EFCAB6: variants seen among roughly 807,000 people sequenced by gnomAD.
EFCAB6 encodes the protein EF-hand calcium binding domain 6.
In EFCAB6, 156 loss-of-function variants were observed where a neutral mutation model predicts 169.8. That is an observed-to-expected ratio of 0.92 (90% confidence interval 0.81 to 1.05). The LOEUF is 1.05. EFCAB6 is among the 50% of genes least tolerant of loss of function. The pLI is 0.00. For missense variants in EFCAB6, 1,800 were observed against 1,829.1 expected (o/e 0.98, Z 0.29); for synonymous variants, 698 against 676.4 (o/e 1.03, Z -0.50).
At chr22:43,686,756 G>A (rs1233119549) in intron 11 of EFCAB6, among the ~76,000 whole-genome samples, 4 of 152,036 alleles carry the variant, frequency 2.6e-5, no homozygotes, top group African/African-American at 9.7e-5. Flanking sequence ...TTACAGTAGA[G>A]CACAGCACTT....
At chr22:43,675,233 A>T (rs1411846525) in intron 13 of EFCAB6, among the ~76,000 whole-genome samples, 1 of 144,136 alleles carries the variant, frequency 6.9e-6, no homozygotes, top group Non-Finnish European at 1.5e-5. Flanking sequence ...ATGTATATAT[A>T]ACTATGTTAT....
chr22:43,678,195 T>C, intron 12 of EFCAB6, 32 bp from the exon 13 acceptor site: 7 of 1,397,918 alleles, frequency 5.0e-6, no homozygotes, highest in Non-Finnish European at 6.6e-6. Context: ...AGGGAATTTT[T>C]GAAAAAAAAA....
intron 23 of EFCAB6, among the ~76,000 whole-genome samples, chr22:43,590,547 G>C (rs2051416766): frequency 6.6e-6 from 1 of 152,116 alleles, no homozygotes; most frequent in Non-Finnish European, 1.5e-5. Context: ...TTTACATATA[G>C]ACATGTGAAA....
At chr22:43,562,461 A>G (rs2049097490) in intron 26 of EFCAB6, among the ~76,000 whole-genome samples, 6 of 151,490 alleles carry the variant, frequency 4.0e-5, no homozygotes, top group African/African-American at 1.4e-4. Flanking sequence ...CTGCCATGAC[A>G]TAGGAATCAC....
chr22:43,649,929 G>A (rs1451925521), intron 17 of EFCAB6, among the ~76,000 whole-genome samples: 1 of 152,164 alleles, frequency 6.6e-6, no homozygotes, highest in Non-Finnish European at 1.5e-5. Flanking sequence ...TGAAACTGGA[G>A]ACAACAAAAG....
chr22:43,740,963 C>T (rs2060348116), intron 6 of EFCAB6, among the ~76,000 whole-genome samples: 1 of 152,182 alleles, frequency 6.6e-6, no homozygotes, highest in African/African-American at 2.4e-5. Flanking sequence ...AACCTGGCAG[C>T]GAGCTCACAC....
At chr22:43,626,408 G>A (rs772663780) in intron 20 of EFCAB6, 39 bp downstream of exon 20, 13 of 1,588,064 alleles carry the variant, frequency 8.2e-6, no homozygotes, top group Admixed American at 3.4e-5. Flanking sequence ...GGCACGGGCC[G>A]GCATATATTA....
chr22:43,611,015 T>C (rs539616434), intron 21 of EFCAB6, among the ~76,000 whole-genome samples: 3 of 152,352 alleles, frequency 2.0e-5, no homozygotes, highest in South Asian at 2.1e-4. Flanking sequence ...CAGGAACTTA[T>C]GTCAGAAAGA....
intron 17 of EFCAB6, among the ~76,000 whole-genome samples, chr22:43,652,535 T>TA (rs57911818): frequency 6.6e-5 from 10 of 151,978 alleles, no homozygotes; most frequent in African/African-American, 1.9e-4. Context: ...CAGGAGTAGT[T>TA]AAAAAAAACA....
At chr22:43,656,208 T>C (rs769338451) in intron 17 of EFCAB6, among the ~76,000 whole-genome samples, 1 of 151,996 alleles carries the variant, frequency 6.6e-6, no homozygotes, top group Non-Finnish European at 1.5e-5. Context: ...CTGACCAACA[T>C]GGTGAAACCC....
chr22:43,597,463 A>G (rs1026716347), intron 23 of EFCAB6, among the ~76,000 whole-genome samples: 3 of 152,238 alleles, frequency 2.0e-5, no homozygotes, highest in African/African-American at 7.2e-5. Flanking sequence ...TCAAAAGAGG[A>G]CATATAAAGT....
intron 23 of EFCAB6, among the ~76,000 whole-genome samples, chr22:43,599,071 T>C (rs762996976): frequency 6.6e-6 from 1 of 152,220 alleles, no homozygotes; most frequent in Non-Finnish European, 1.5e-5. Flanking sequence ...GTTCCACTCA[T>C]GGTACACATA....
intron 9 of EFCAB6, among the ~76,000 whole-genome samples, chr22:43,716,520 T>A (rs3810620): frequency 0.097 from 14,756 of 152,244 alleles, 813 homozygotes; most frequent in South Asian, 0.18. Flanking sequence ...AATCTTCCAA[T>A]CCAAGAATCA....
chr22:43,685,611 C>G (rs2058163750), intron 11 of EFCAB6, among the ~76,000 whole-genome samples: 1 of 152,152 alleles, frequency 6.6e-6, no homozygotes, highest in South Asian at 2.1e-4. Context: ...TTCTCAAGAT[C>G]TTGGCTCTTT....
At chr22:43,630,302 CCT>C (rs2054842155) in intron 19 of EFCAB6, among the ~76,000 whole-genome samples, 2 of 152,336 alleles carry the variant, frequency 1.3e-5, no homozygotes, top group Admixed American at 1.3e-4. Context: ...GGGGTTCACT[CCT>C]CTGTTTCACC....
intron 26 of EFCAB6, among the ~76,000 whole-genome samples, chr22:43,575,498 G>A (rs2050191941): frequency 2.0e-5 from 3 of 151,212 alleles, no homozygotes; most frequent in Admixed American, 6.6e-5. Context: ...ATGAACCACC[G>A]ACTTTTTATA....
intron 23 of EFCAB6, among the ~76,000 whole-genome samples, chr22:43,595,627 C>T (rs910715155): frequency 6.6e-6 from 1 of 152,032 alleles, no homozygotes; most frequent in Admixed American, 6.6e-5. Flanking sequence ...CAAAGAAAAG[C>T]CTAGGACCTG....
chr22:43,528,973 G>A lies in EFCAB6; in HGVS notation c.4386C>T (p.Val1462=), dbSNP rs1330383386. The A allele has an allele frequency of 1.3e-6, 2 of 1,574,330 alleles. No individual in the cohort carries two copies. The highest frequency in any genetic ancestry group is 1.7e-6 in the Non-Finnish European group (2 of 1,149,116). Residue 1462 remains valine, a splice_region_variant and synonymous_variant, in exon 32 of 32, where the codon GTC becomes GTT. Coordinates refer to ENST00000262726, the MANE Select transcript of EFCAB6 (RefSeq NM_022785.4). ...GLLSVADFRT[V]LRQYSINLSE... The stretch of plus-strand genomic sequence containing the variant: ...AGAGGTTGATGCTGTACTGTCTCAG[G>A]ACCTGGAAGACAGAGAAAAGGGGCC...
At chr22:43,766,421 C>T (rs535700664) in intron 4 of EFCAB6, among the ~76,000 whole-genome samples, 2 of 152,276 alleles carry the variant, frequency 1.3e-5, no homozygotes, top group East Asian at 3.9e-4. Flanking sequence ...TGAGAGATCA[C>T]AGAAGAAACA....
Sources: allele counts gnomAD v4.1 joint callset (sites outside exome capture counted in the v4.1 genomes callset), GRCh38; gene constraint gnomAD v4.1.1; transcripts MANE v1.5; gene names NCBI Gene and HGNC (gene_info 2026-07-23, HGNC 2026-07-21).